RPS15A: variants seen among roughly 807,000 people sequenced by gnomAD.
RPS15A encodes the protein small ribosomal subunit protein uS8.
For missense variants in RPS15A, 62 were observed against 163.4 expected (o/e 0.38, Z 3.38); for synonymous variants, 55 against 58.5 (o/e 0.94, Z 0.27).
chr16:18,789,139 A>C lies in RPS15A; in HGVS notation c.-5-21T>G, dbSNP rs766287586. ...TGTGGCTGTTCAAGGAAGACAAAAC[A>C]GGAGGTTTTACTGGCATTGCCAACA... On this transcript the variant is annotated intron_variant, in intron 1 of 4. Transcript: ENST00000322989. 6.3e-6 allele frequency: 10 copies of C among 1,598,858 alleles called. No individual in the cohort carries two copies. The South Asian group carries it at 9.0e-5, about 14-fold the overall frequency.
At chr16:18,784,868 T>C in intron 3 of RPS15A, 45 bp from the exon 4 acceptor site, 2 of 1,473,176 alleles carry the variant, frequency 1.4e-6, no homozygotes, top group Non-Finnish European at 1.9e-6. Flanking sequence ...ACTTTACCAA[T>C]AACAGAAAAA....
intron 4 of RPS15A, chr16:18,783,608 CAA>C: frequency 2.2e-6 from 1 of 454,454 alleles, no homozygotes; most frequent in South Asian, 1.6e-5. Flanking sequence ...ATCATAATTA[CAA>C]AGAGAAATGA....
Position 18,784,652 on chromosome 16 carries a change from G to GA in RPS15A, c.299+85dup, listed in dbSNP as rs1223841371. 19 of 1,043,868 alleles carry GA rather than the reference G, an allele frequency of 1.8e-5. 1 individual carries two copies. In the Admixed American group the frequency reaches 3.5e-4, roughly 19 times the overall value. The allele number at this position is 1,043,868 out of a possible 1,614,324, so 64.7% of individuals were successfully genotyped here. A position where few individuals can be genotyped will look rare whatever the true frequency, so the allele number is the denominator to read the frequency against. ...AATTACCACTGCTTTGTTTTAAACA[G>GA]AAAAAAAGAAAAAAACCCTTAAGTC... On this transcript the variant is annotated intron_variant, in intron 4 of 4. Transcript: ENST00000322989.
chr16:18,786,088 A>G (rs1904043539), intron 3 of RPS15A: 1 of 153,260 alleles, frequency 6.5e-6, no homozygotes, highest in Non-Finnish European at 1.5e-5. Context: ...AAATTCCAAG[A>G]AACCAAAAAT....
intron 3 of RPS15A, chr16:18,785,398 C>G (rs955336764): frequency 4.6e-5 from 7 of 152,288 alleles, no homozygotes; most frequent in African/African-American, 1.4e-4. Flanking sequence ...GAGCAAAGGG[C>G]CTGCAATTAT....
intron 3 of RPS15A, 73 bp from the exon 4 acceptor site, chr16:18,784,896 A>C: frequency 8.1e-7 from 1 of 1,233,194 alleles, no homozygotes; most frequent in Non-Finnish European, 1.2e-6. Flanking sequence ...ACACAAGATG[A>C]CATTCATAAA....
At chr16:18,785,006 AC>A (rs1904024491) in intron 3 of RPS15A, 183 bp from the exon 4 acceptor site, 1 of 528,116 alleles carries the variant, frequency 1.9e-6, no homozygotes, top group Admixed American at 3.9e-5. Flanking sequence ...AAGTAAGACT[AC>A]GCCTGCCTAG....
intron 4 of RPS15A, 77 bp from the exon 5 acceptor site, chr16:18,783,179 A>C (rs1222142322): frequency 1.3e-5 from 12 of 936,612 alleles, no homozygotes; most frequent in Non-Finnish European, 1.9e-5. Flanking sequence ...AAACATCAAC[A>C]CTCATCAGTG....
At position 18,781,576 on chromosome 16, in the gene RPS15A, T is replaced by C. The variant is rs1403859760; in HGVS notation, c.*1433A>G. 2 of 152,004 alleles carry C rather than the reference T, an allele frequency of 1.3e-5. No homozygotes were observed. The highest frequency in any genetic ancestry group is 3.9e-4 in the East Asian group (2 of 5,158). 9.4% of individuals were successfully genotyped at this position (152,004 alleles called of 1,614,324 possible). On this transcript the variant is annotated 3_prime_UTR_variant, in exon 5 of 5. Coordinates refer to ENST00000322989, the MANE Select transcript of RPS15A (RefSeq NM_001019.5). Reference sequence around the variant, plus strand: ...TCCCTCAACTTGGGGATAGGTTTTGTATCATTCCCATTACAGATACGGATG... The same window carrying C: ...TCCCTCAACTTGGGGATAGGTTTTGCATCATTCCCATTACAGATACGGATG...
Position 18,789,018 on chromosome 16 carries a change from T to A in RPS15A, c.96A>T (p.Lys32Asn). The A allele has an allele frequency of 6.2e-7, 1 of 1,614,108 alleles. No homozygotes were observed. ...TCACAGTGAGAAACCGGACGATGAC[T>A]TTGGAGCACGGCCTAATAAGCACCT... ...KRQVLIRPCS[K>N]VIVRFLTVMM... The change falls in exon 2 of 5, where the codon AAA becomes AAT. Residue 32 changes from lysine (K) to asparagine (N), a missense_variant. Coordinates refer to ENST00000322989, the MANE Select transcript of RPS15A (RefSeq NM_001019.5).
intron 2 of RPS15A, 199 bp downstream of exon 2, chr16:18,788,782 G>A (rs1444277984): frequency 3.6e-6 from 2 of 556,116 alleles, no homozygotes; most frequent in Non-Finnish European, 6.4e-6. Context: ...ACACCTAGCA[G>A]AGCTCCTTTT....
intron 4 of RPS15A, chr16:18,783,837 G>A (rs766626311): frequency 3.6e-5 from 14 of 391,232 alleles, no homozygotes; most frequent in Non-Finnish European, 6.1e-5. Flanking sequence ...GCTGTGACTT[G>A]CCCAAGATCT....
At chr16:18,784,711 C>A (rs1904019389) in intron 4 of RPS15A, 27 bp downstream of exon 4, 2 of 1,545,570 alleles carry the variant, frequency 1.3e-6, no homozygotes, top group African/African-American at 1.4e-5. Flanking sequence ...GCATTAACTT[C>A]TTTTAATTAA....
At chr16:18,784,634 A>C (rs530898931) in intron 4 of RPS15A, 104 bp downstream of exon 4, 2 of 809,268 alleles carry the variant, frequency 2.5e-6, no homozygotes, top group South Asian at 1.7e-5. Context: ...ACAAATTACC[A>C]CTGCTTTGTT....
At position 18,788,872 on chromosome 16, in the gene RPS15A, G is replaced by A. The variant is rs1328247158; in HGVS notation, c.133+109C>T. ...CACAGCCCACAGGTCAATTGCATTC[G>A]TTCTCAGGTATGACAGACATACTTT... On this transcript the variant is annotated intron_variant, in intron 2 of 4. Coordinates refer to ENST00000322989, the MANE Select transcript of RPS15A (RefSeq NM_001019.5). 15 of 1,171,538 alleles carry A rather than the reference G, an allele frequency of 1.3e-5. No individual in the cohort carries two copies. The Admixed American group carries it at 2.8e-4, about 22-fold the overall frequency. 72.6% of individuals were successfully genotyped at this position (1,171,538 alleles called of 1,614,324 possible).
rs1567286184 is a variant in RPS15A, at chr16:18,782,995, T to C, written c.*14A>G. 6.9e-7 allele frequency: 1 copy of C among 1,448,810 alleles called. No homozygotes were observed. Among genetic ancestry groups the C allele is most frequent in the Non-Finnish European group, 9.6e-7 (1 of 1,043,462 alleles). 89.7% of individuals were successfully genotyped at this position (1,448,810 alleles called of 1,614,324 possible). Reference sequence around the variant, plus strand: ...CCATGAGGCATTTTATTTGTAAATATATGTATTACATCCCTAGAAAAAGAA... The same window carrying C: ...CCATGAGGCATTTTATTTGTAAATACATGTATTACATCCCTAGAAAAAGAA... On this transcript the variant is annotated 3_prime_UTR_variant, in exon 5 of 5. Transcript: ENST00000322989.
intron 3 of RPS15A, among the ~76,000 whole-genome samples, chr16:18,787,576 T>C (rs569268967): frequency 1.3e-5 from 2 of 152,000 alleles, no homozygotes; most frequent in Non-Finnish European, 2.9e-5. Context: ...TGTTGACAAG[T>C]CAAACTGAAA....
intron 3 of RPS15A, among the ~76,000 whole-genome samples, chr16:18,787,544 A>C (rs1377678843): frequency 6.6e-6 from 1 of 152,360 alleles, no homozygotes; most frequent in East Asian, 1.9e-4. Flanking sequence ...TAAACCACAA[A>C]GTCAGTTTTA....
intron 1 of RPS15A, 88 bp downstream of exon 1, chr16:18,790,156 T>C (rs577134309): frequency 6.6e-6 from 1 of 152,158 alleles, no homozygotes; most frequent in African/African-American, 2.4e-5. Context: ...CAGCCATGGC[T>C]CTCCTCTATG....
Sources: allele counts gnomAD v4.1 joint callset (sites outside exome capture counted in the v4.1 genomes callset), GRCh38; gene constraint gnomAD v4.1.1; transcripts MANE v1.5; gene names NCBI Gene and HGNC (gene_info 2026-07-23, HGNC 2026-07-21).